The following DTNA variants were observed in gnomAD, a reference collection of about 807,000 sequenced individuals.
The protein encoded by DTNA is dystrophin-related protein 3.
In DTNA, 43 loss-of-function variants were observed where a neutral mutation model predicts 100.7. The observed-to-expected ratio is 0.43, with a 90% CI of 0.33 to 0.55. The LOEUF (loss-of-function observed/expected upper bound fraction) is 0.55. Ranked by LOEUF, DTNA falls within the 20% of genes least tolerant of loss-of-function variation. DTNA has a pLI of 0.04. For synonymous variants in DTNA, 349 were observed against 347.9 expected, an observed-to-expected ratio of 1.00 and a Z score of -0.04; for missense variants, 798 against 953.9, an observed-to-expected ratio of 0.84 and a Z score of 2.15.
intron 1 of DTNA, among the ~76,000 whole-genome samples, chr18:34,718,304 A>T (rs1470089324): frequency 6.6e-6 from 1 of 152,128 alleles, no homozygotes; most frequent in East Asian, 1.9e-4. Flanking sequence ...TATTTATGAG[A>T]CTTCCTCTTT....
At chr18:34,772,153 T>G (rs931280945) in intron 3 of DTNA, among the ~76,000 whole-genome samples, 1 of 152,216 alleles carries the variant, frequency 6.6e-6, no homozygotes, top group African/African-American at 2.4e-5. Flanking sequence ...TCCTACTGGT[T>G]ACAGCCTGAA....
At chr18:34,654,584 G>A (rs1247691564) in intron 1 of DTNA, among the ~76,000 whole-genome samples, 1 of 151,932 alleles carries the variant, frequency 6.6e-6, no homozygotes, top group Non-Finnish European at 1.5e-5. Flanking sequence ...TAATCTCTTG[G>A]GAACATTCTA....
At chr18:34,885,406 G>T (rs1459399431) in intron 22 of DTNA, among the ~76,000 whole-genome samples, 2 of 152,150 alleles carry the variant, frequency 1.3e-5, no homozygotes, top group Non-Finnish European at 2.9e-5. Flanking sequence ...ACCTAAATAT[G>T]TGGAAAATTC....
intron 1 of DTNA, among the ~76,000 whole-genome samples, chr18:34,619,108 C>T (rs2055933394): frequency 6.6e-6 from 1 of 152,070 alleles, no homozygotes; most frequent in Admixed American, 6.6e-5. Flanking sequence ...AAGTAAATAT[C>T]ATTTAAAAGG....
At chr18:34,623,694 G>C (rs1000532772) in intron 1 of DTNA, among the ~76,000 whole-genome samples, 2 of 152,162 alleles carry the variant, frequency 1.3e-5, no homozygotes, top group South Asian at 4.2e-4. Context: ...CAGGCGGTGT[G>C]CTATGTCCTG....
intron 18 of DTNA, 36 bp downstream of exon 18, chr18:34,875,434 A>T (rs2096805251): frequency 2.5e-6 from 4 of 1,613,704 alleles, no homozygotes; most frequent in Non-Finnish European, 2.5e-6. Flanking sequence ...GTCTGCTTTT[A>T]TGTGGCAAAT....
At chr18:34,867,213 T>C in intron 17 of DTNA, 1 of 1,231,448 alleles carries the variant, frequency 8.1e-7, no homozygotes. Flanking sequence ...TATGTGTGTT[T>C]GTGTGTAACA....
intron 1 of DTNA, among the ~76,000 whole-genome samples, chr18:34,636,809 A>G (rs886757610): frequency 6.6e-6 from 1 of 152,206 alleles, no homozygotes; most frequent in African/African-American, 2.4e-5. Flanking sequence ...TGAGTTACAG[A>G]ATCCAAAATT....
At chr18:34,527,301 C>T (rs1454327691) in intron 1 of DTNA, among the ~76,000 whole-genome samples, 18 of 151,912 alleles carry the variant, frequency 1.2e-4, no homozygotes, top group Non-Finnish European at 1.5e-5. Flanking sequence ...GTCATACTTC[C>T]CACAAACCAA....
At chr18:34,698,692 GA>G (rs2080947041) in intron 1 of DTNA, among the ~76,000 whole-genome samples, 2 of 152,218 alleles carry the variant, frequency 1.3e-5, no homozygotes, top group African/African-American at 2.4e-5. Context: ...CAAAGCTGAA[GA>G]ACTTGGAGTC....
At chr18:34,566,595 CAGATTGTTAG>C (rs1311032750) in intron 1 of DTNA, among the ~76,000 whole-genome samples, 1 of 152,244 alleles carries the variant, frequency 6.6e-6, no homozygotes, top group African/African-American at 2.4e-5. Context: ...CAAGTTGCCA[CAGATTGTTAG>C]AGCCGCTGTG....
intron 1 of DTNA, among the ~76,000 whole-genome samples, chr18:34,535,362 G>A (rs1358711898): frequency 6.6e-6 from 1 of 152,032 alleles, no homozygotes; most frequent in African/African-American, 2.4e-5. Context: ...ATTTGTTTAA[G>A]TTTCTTGTAG....
At chr18:34,779,382 T>C (rs1244916706) in intron 3 of DTNA, among the ~76,000 whole-genome samples, 1 of 152,220 alleles carries the variant, frequency 6.6e-6, no homozygotes, top group Non-Finnish European at 1.5e-5. Context: ...TTATTCAGAC[T>C]TGGAGCTTCA....
chr18:34,521,733 A>G (rs571694588), intron 1 of DTNA, among the ~76,000 whole-genome samples: 64 of 152,252 alleles, frequency 4.2e-4, no homozygotes, highest in African/African-American at 1.5e-3. Flanking sequence ...CTCTCGCTTC[A>G]CACAGGTCTC....
intron 1 of DTNA, among the ~76,000 whole-genome samples, chr18:34,677,885 T>C (rs1178742078): frequency 2.6e-5 from 4 of 152,318 alleles, no homozygotes; most frequent in Admixed American, 6.5e-5. Context: ...TATTAAATTG[T>C]ATTAGGTCAT....
intron 7 of DTNA, among the ~76,000 whole-genome samples, chr18:34,817,106 T>C (rs191643559): frequency 5.6e-4 from 86 of 152,314 alleles, no homozygotes; most frequent in African/African-American, 2.0e-3. Context: ...TCTCAGCATT[T>C]CCTGCTGCAG....
intron 1 of DTNA, among the ~76,000 whole-genome samples, chr18:34,583,074 A>C (rs2048787845): frequency 1.3e-5 from 2 of 152,208 alleles, no homozygotes; most frequent in Admixed American, 6.5e-5. Context: ...TTTTTAAGAG[A>C]GATAGTTTTG....
At position 34,879,693 on chromosome 18, in the gene DTNA, T is replaced by C. The variant is rs1266446259; in HGVS notation, c.2136T>C (p.Ala712=). 6.2e-7 allele frequency: 1 copy of C among 1,614,068 alleles called. No individual in the cohort carries two copies. Among genetic ancestry groups the C allele is most frequent in the South Asian group, 1.1e-5 (1 of 91,070 alleles). Residue 712 remains alanine (A), a synonymous_variant, in exon 20 of 23, where the codon GCT becomes GCC. Coordinates refer to ENST00000444659, the MANE Select transcript of DTNA (RefSeq NM_001386795.1). ...ARKPGYIHSG[A]TTSTMRGDMV... ...AACCTGGGTACATTCACAGTGGAGCTACCACAAGTACCATGCGTGGCGACA... is the reference window on the plus strand; with the variant it reads ...AACCTGGGTACATTCACAGTGGAGCCACCACAAGTACCATGCGTGGCGACA...
chr18:34,861,585 A>G (rs910104139), intron 16 of DTNA, among the ~76,000 whole-genome samples: 5 of 151,364 alleles, frequency 3.3e-5, no homozygotes, highest in East Asian at 3.9e-4. Context: ...GCACTTCTTT[A>G]GAGATGAATA....
Sources: allele counts gnomAD v4.1 joint callset (sites outside exome capture counted in the v4.1 genomes callset), GRCh38; gene constraint gnomAD v4.1.1; transcripts MANE v1.5; gene names NCBI Gene and HGNC (gene_info 2026-07-23, HGNC 2026-07-21).